The following ESRP1 variants were observed in gnomAD, a reference collection of about 807,000 sequenced individuals.
The protein encoded by ESRP1 is RNA-binding motif protein 35A.
ESRP1 carries 33 observed loss-of-function variants against 81.7 expected under a neutral mutation model. The observed-to-expected ratio is 0.40, with a 90% CI of 0.31 to 0.54. ESRP1 has a LOEUF of 0.54. Among genes scored for constraint, ESRP1 ranks in the 20% least tolerant of loss-of-function variants. The pLI is 0.41. For synonymous variants in ESRP1, 320 were observed against 303.3 expected (o/e 1.06, Z -0.57); for missense variants, 672 against 833.1 (o/e 0.81, Z 2.38).
At chr8:94,671,744 TTAGA>T (rs1344415532) in intron 11 of ESRP1, 73 bp downstream of exon 11, 13 of 973,272 alleles carry the variant, frequency 1.3e-5, no homozygotes, top group Non-Finnish European at 1.8e-5. Flanking sequence ...ATATTAGATA[TTAGA>T]TAATCTATTA....
At chr8:94,686,463 T>C (rs1023267100) in intron 13 of ESRP1, among the ~76,000 whole-genome samples, 4 of 152,214 alleles carry the variant, frequency 2.6e-5, no homozygotes, top group African/African-American at 9.6e-5. Context: ...TATTAATTTC[T>C]TTCCCTTCAT....
At chr8:94,653,816 T>A (rs1006902401) in intron 4 of ESRP1, among the ~76,000 whole-genome samples, 1 of 152,144 alleles carries the variant, frequency 6.6e-6, no homozygotes, top group Admixed American at 6.6e-5. Context: ...TATATATATA[T>A]AAAATCAAGT....
chr8:94,676,333 C>T lies in ESRP1; in HGVS notation c.1651+1827C>T, dbSNP rs544732182. The stretch of plus-strand genomic sequence containing the variant: ...CGCCACTATACTTCAGCCTGGGCGA[C>T]AGTGAGACTCAGTCTCAAAAAAAAA... On this transcript the variant is annotated intron_variant, in intron 12 of 15. Transcript: ENST00000433389. 3.9e-5 allele frequency among the ~76,000 whole-genome samples: 5 copies of T among 129,742 alleles called. No individual in the cohort carries two copies. The East Asian group carries it at 1.1e-3, about 29-fold the overall frequency. The allele number at this position is 129,742 out of a possible 152,430, so 85.1% of individuals were successfully genotyped here.
intron 6 of ESRP1, 61 bp from the exon 7 acceptor site, chr8:94,664,636 G>A: frequency 8.4e-7 from 1 of 1,187,664 alleles, no homozygotes; most frequent in Non-Finnish European, 1.3e-6. Flanking sequence ...CTTGCAGGGG[G>A]TAATAGGTGT....
chr8:94,646,022 C>T (rs1022507342), intron 3 of ESRP1, 146 bp from the exon 4 acceptor site: 10 of 531,260 alleles, frequency 1.9e-5, no homozygotes, highest in African/African-American at 1.6e-4. Context: ...ACAGGACCAA[C>T]TTTTAAAAAT....
rs565384300 is a variant in ESRP1 at position 94,677,547 on chromosome 8, T to C, written c.1652-656T>C. Among the ~76,000 whole-genome samples, 49 of 152,344 alleles carry C rather than the reference T, an allele frequency of 3.2e-4. 1 individual carries two copies. Among genetic ancestry groups the C allele is most frequent in the African/African-American group, 1.0e-3 (43 of 41,582 alleles). On this transcript the variant is annotated intron_variant, in intron 12 of 15. Transcript: ENST00000433389. ...ATTCCCAGGAAGACTTAGGCATCAA[T>C]TCCTTTGGGACTATTTCCCAGGTTG...
chr8:94,691,804 T>A (rs1342563205), intron 13 of ESRP1, among the ~76,000 whole-genome samples: 1 of 152,216 alleles, frequency 6.6e-6, no homozygotes, highest in Non-Finnish European at 1.5e-5. Context: ...TTTAGGCTGA[T>A]GACTTTTAAA....
intron 13 of ESRP1, among the ~76,000 whole-genome samples, chr8:94,683,071 A>T (rs1808987489): frequency 6.8e-6 from 1 of 147,502 alleles, no homozygotes; most frequent in South Asian, 2.1e-4. Flanking sequence ...CAGGCTCCCA[A>T]GTAGCTGAAT....
At chr8:94,703,205 A>T (rs573790410) in intron 15 of ESRP1, among the ~76,000 whole-genome samples, 9 of 150,322 alleles carry the variant, frequency 6.0e-5, no homozygotes, top group South Asian at 2.1e-4. Context: ...CCCAGGCTGA[A>T]GTACAGTGGC....
chr8:94,682,651 GC>G (rs879693242), intron 13 of ESRP1, among the ~76,000 whole-genome samples: 46,986 of 151,334 alleles, frequency 0.31, 8,710 homozygotes, highest in East Asian at 0.56. Context: ...ACAGGTGTGA[GC>G]CACCATGCCC....
At chr8:94,645,058 G>A (rs1817777898) in intron 3 of ESRP1, among the ~76,000 whole-genome samples, 1 of 152,096 alleles carries the variant, frequency 6.6e-6, no homozygotes, top group Admixed American at 6.5e-5. Context: ...ACTGATTATT[G>A]TTGAACATGT....
At chr8:94,696,775 A>T (rs1437548747) in intron 14 of ESRP1, 77 bp from the exon 15 acceptor site, 1 of 1,137,252 alleles carries the variant, frequency 8.8e-7, no homozygotes, top group Non-Finnish European at 1.3e-6. Context: ...TTGTTGGTAG[A>T]TCTATTTAGC....
chr8:94,645,792 G>T (rs1371317672), intron 3 of ESRP1, among the ~76,000 whole-genome samples: 1 of 152,166 alleles, frequency 6.6e-6, no homozygotes, highest in Non-Finnish European at 1.5e-5. Context: ...AACTGAAAGG[G>T]CTGCTAGTGC....
At chr8:94,689,811 C>CTTTTTCTTTTTTTTTT (rs1809304428) in intron 13 of ESRP1, among the ~76,000 whole-genome samples, 1 of 64,680 alleles carries the variant, frequency 1.5e-5, no homozygotes, top group Non-Finnish European at 3.0e-5. Flanking sequence ...TGATGCCTGG[C>CTTTTTCTTTTTTTTTT]TTTTTTTTTT....
At chr8:94,678,116 A>T (rs889330482) in intron 12 of ESRP1, 87 bp from the exon 13 acceptor site, 12 of 1,390,374 alleles carry the variant, frequency 8.6e-6, no homozygotes, top group African/African-American at 1.4e-5. Context: ...AAATGTGTAG[A>T]TGGAACAGTG....
Position 94,668,235 on chromosome 8 carries a change from A to C in ESRP1, c.1218A>C (p.Ala406=). The change falls in exon 10 of 16, where the codon GCA becomes GCC. Residue 406 remains alanine, a synonymous_variant. Transcript: ENST00000433389. Reference sequence around the variant, plus strand: ...ACATTGAACTCTTCAGGAGCACAGCAGCTGAAGTTCAGCAGGTTGGTTTTA... The same window carrying C: ...ACATTGAACTCTTCAGGAGCACAGCCGCTGAAGTTCAGCAGGTTGGTTTTA... ...KRYIELFRST[A]AEVQQVLNRF... 1 of 1,585,710 alleles carries C rather than the reference A, an allele frequency of 6.3e-7. No individual in the cohort carries two copies.
rs774526441 is a variant in ESRP1 at position 94,668,016 on chromosome 8, C to T, written c.999C>T (p.Leu333=). 2.5e-6 allele frequency: 4 copies of T among 1,613,692 alleles called. No individual in the cohort carries two copies. The highest frequency in any genetic ancestry group is 3.4e-6 in the Non-Finnish European group (4 of 1,179,686). ...ENQVIVRMRG[L]PFTATAEEVV... ...AAGTCATTGTCCGCATGCGGGGGCT[C>T]CCTTTCACGGCCACAGCTGAAGAAG... Residue 333 remains leucine, a synonymous_variant, in exon 10 of 16, where the codon CTC becomes CTT. Coordinates refer to ENST00000433389, the MANE Select transcript of ESRP1 (RefSeq NM_017697.4).
intron 10 of ESRP1, 154 bp downstream of exon 10, chr8:94,668,404 A>G (rs1819130022): frequency 4.4e-6 from 3 of 688,360 alleles, no homozygotes; most frequent in East Asian, 5.6e-5. Context: ...TAACCAAGAG[A>G]TAGCCGCTGT....
At chr8:94,669,821 G>A (rs1819221094) in intron 10 of ESRP1, among the ~76,000 whole-genome samples, 1 of 144,142 alleles carries the variant, frequency 6.9e-6, no homozygotes, top group Non-Finnish European at 1.5e-5. Context: ...AGTGAACCGA[G>A]ATCACGCTGC....
Sources: allele counts gnomAD v4.1 joint callset (sites outside exome capture counted in the v4.1 genomes callset), GRCh38; gene constraint gnomAD v4.1.1; transcripts MANE v1.5; gene names NCBI Gene and HGNC (gene_info 2026-07-23, HGNC 2026-07-21).